The following PACRG variants were observed in gnomAD, a reference collection of about 807,000 sequenced individuals.
PACRG encodes parkin coregulated.
A neutral mutation model predicts 29.7 loss-of-function variants in PACRG; 29 were observed. That is an observed-to-expected ratio of 0.98 (90% CI 0.73 to 1.33). The LOEUF is 1.33. Among genes scored for constraint, PACRG ranks in the 40% most tolerant of loss-of-function variants. The pLI, the probability that PACRG is intolerant of heterozygous loss-of-function variation, is 0.00. For synonymous variants in PACRG, 116 were observed against 118.7 expected, an observed-to-expected ratio of 0.98 and a Z score of 0.15; for missense variants, 279 against 316.2, an observed-to-expected ratio of 0.88 and a Z score of 0.89.
chr6:163,088,772 T>C (rs1349878003), intron 3 of PACRG, among the ~76,000 whole-genome samples: 1 of 152,216 alleles, frequency 6.6e-6, no homozygotes, highest in Non-Finnish European at 1.5e-5. Context: ...AAGAATATTC[T>C]CGGTGTTTGT....
intron 1 of PACRG, among the ~76,000 whole-genome samples, chr6:162,763,361 A>G (rs1002031426): frequency 1.3e-5 from 2 of 152,178 alleles, no homozygotes; most frequent in Non-Finnish European, 2.9e-5. Context: ...ACCTGTCACA[A>G]CGCTGACAAG....
At chr6:163,101,871 G>A (rs957706907) in intron 4 of PACRG, among the ~76,000 whole-genome samples, 3 of 152,044 alleles carry the variant, frequency 2.0e-5, no homozygotes, top group African/African-American at 7.2e-5. Context: ...TTTTCGGGGG[G>A]AATGCCAAAG....
In PACRG at chr6:162,848,222, A is replaced by G. The variant is rs572401659; in HGVS notation, c.291+33941A>G. 4.6e-5 allele frequency among the ~76,000 whole-genome samples: 7 copies of G among 152,348 alleles called. No individual in the cohort carries two copies. The East Asian group carries it at 1.4e-3, about 29-fold the overall frequency. ...TCAAATCTCAACTTTCTCTGTGAGC[A>G]ACAGACAAACTTCACCTTCTTCAAA... is the stretch of plus-strand genomic sequence containing the variant. On this transcript the variant is annotated intron_variant, in intron 2 of 4. Coordinates refer to ENST00000366888, the MANE Select transcript of PACRG (RefSeq NM_001080379.2).
chr6:163,163,527 C>T (rs1043367185), intron 4 of PACRG, among the ~76,000 whole-genome samples: 2 of 152,196 alleles, frequency 1.3e-5, no homozygotes, highest in Admixed American at 6.5e-5. Context: ...CTGCCTCGGC[C>T]TCACAAAGTG....
At chr6:162,895,271 C>CA (rs35275122) in intron 2 of PACRG, among the ~76,000 whole-genome samples, 13,518 of 93,406 alleles carry the variant, frequency 0.14, 1,120 homozygotes, top group East Asian at 0.36. Flanking sequence ...CCCTCTCTCT[C>CA]AAAAAAAAAA....
At chr6:162,829,347 G>A (rs1788545893) in intron 2 of PACRG, among the ~76,000 whole-genome samples, 1 of 152,222 alleles carries the variant, frequency 6.6e-6, no homozygotes, top group African/African-American at 2.4e-5. Flanking sequence ...TTTCTGCTAT[G>A]GCAGTTGTAT....
intron 2 of PACRG, among the ~76,000 whole-genome samples, chr6:162,829,042 A>G (rs1788519520): frequency 6.6e-6 from 1 of 152,376 alleles, no homozygotes; most frequent in Admixed American, 6.5e-5. Context: ...TCCTTTGTGA[A>G]AAGTACTTTT....
At chr6:162,945,423 A>C (rs1798932431) in intron 2 of PACRG, among the ~76,000 whole-genome samples, 1 of 152,122 alleles carries the variant, frequency 6.6e-6, no homozygotes, top group Admixed American at 6.5e-5. Context: ...ATTATATAAT[A>C]ATAAAGGGAT....
intron 2 of PACRG, among the ~76,000 whole-genome samples, chr6:163,009,732 A>T (rs948793275): frequency 2.0e-5 from 3 of 152,198 alleles, no homozygotes; most frequent in Non-Finnish European, 4.4e-5. Context: ...ACCAGCTGGG[A>T]TGGAGTTATT....
At chr6:163,218,411 C>G (rs1331886932) in intron 4 of PACRG, among the ~76,000 whole-genome samples, 1 of 152,154 alleles carries the variant, frequency 6.6e-6, no homozygotes, top group African/African-American at 2.4e-5. Context: ...CCCACATCCC[C>G]TTATGGGTAT....
chr6:163,108,563 T>TC (rs1051915428), intron 4 of PACRG, among the ~76,000 whole-genome samples: 8 of 151,600 alleles, frequency 5.3e-5, no homozygotes, highest in African/African-American at 1.9e-4. Flanking sequence ...CAGCTAATTT[T>TC]TTTTTTGTCT....
At chr6:162,872,050 T>C (rs2127995776) in intron 2 of PACRG, among the ~76,000 whole-genome samples, 1 of 152,378 alleles carries the variant, frequency 6.6e-6, no homozygotes, top group Non-Finnish European at 1.5e-5. Flanking sequence ...GCTGAATTAA[T>C]TTTGATTCTA....
chr6:162,863,653 C>T (rs760615271), intron 2 of PACRG, among the ~76,000 whole-genome samples: 9 of 152,202 alleles, frequency 5.9e-5, no homozygotes, highest in Non-Finnish European at 1.3e-4. Context: ...TGCTGCGGCA[C>T]AGCAGGCTAC....
intron 2 of PACRG, among the ~76,000 whole-genome samples, chr6:163,002,507 G>T (rs915939630): frequency 6.6e-6 from 1 of 152,134 alleles, no homozygotes; most frequent in Admixed American, 6.5e-5. Flanking sequence ...GAGCAGAAAT[G>T]ATTAAGAAAA....
intron 2 of PACRG, among the ~76,000 whole-genome samples, chr6:162,979,946 G>GA (rs1044931666): frequency 5.9e-5 from 9 of 151,262 alleles, no homozygotes; most frequent in South Asian, 2.1e-4. Context: ...ATTCAGTCCA[G>GA]AAAAAAAATG....
chr6:162,785,303 G>A (rs1784382830), intron 1 of PACRG, among the ~76,000 whole-genome samples: 1 of 152,104 alleles, frequency 6.6e-6, no homozygotes, highest in Non-Finnish European at 1.5e-5. Flanking sequence ...AAACTGCACA[G>A]AAAGAAATAG....
chr6:163,027,850 C>T (rs1807287653), intron 2 of PACRG, among the ~76,000 whole-genome samples: 1 of 152,176 alleles, frequency 6.6e-6, no homozygotes, highest in Non-Finnish European at 1.5e-5. Context: ...ATTCATGCGC[C>T]CATGAAAATG....
At chr6:162,752,626 G>A (rs930136231) in intron 1 of PACRG, among the ~76,000 whole-genome samples, 10 of 152,188 alleles carry the variant, frequency 6.6e-5, no homozygotes, top group African/African-American at 2.4e-4. Flanking sequence ...ACAGAACATA[G>A]CATCTATGTA....
intron 4 of PACRG, among the ~76,000 whole-genome samples, chr6:163,104,479 G>A (rs1585218954): frequency 1.3e-5 from 2 of 152,140 alleles, no homozygotes; most frequent in South Asian, 2.1e-4. Context: ...GATTCTGGAG[G>A]CAGGGAAGTC....
Sources: gnomAD v4.1 joint callset for allele counts (sites outside exome capture counted in the v4.1 genomes callset) on GRCh38, gnomAD v4.1.1 for gene constraint, MANE v1.5 for transcripts, NCBI Gene and HGNC (gene_info 2026-07-23, HGNC 2026-07-21) for gene names.